RBPJ: variants seen among roughly 807,000 people sequenced by gnomAD.
RBPJ encodes recombination signal binding protein for immunoglobulin kappa J region, also known as recombining binding protein suppressor of hairless.
A neutral mutation model predicts 67.8 loss-of-function variants in RBPJ; 9 were observed. That is an observed-to-expected ratio of 0.13 (90% confidence interval 0.08 to 0.23). RBPJ has a LOEUF of 0.23. RBPJ is among the 10% of genes least tolerant of loss of function. The pLI, the probability that RBPJ is intolerant of heterozygous loss-of-function variation, is 1.00. For synonymous variants in RBPJ, 198 were observed against 203.3 expected (o/e 0.97, Z 0.22); for missense variants, 305 against 595.6 (o/e 0.51, Z 5.08).
At chr4:26,194,994 G>T (rs189429289) in intron 1 of RBPJ, among the ~76,000 whole-genome samples, 1 of 152,230 alleles carries the variant, frequency 6.6e-6, no homozygotes, top group African/African-American at 2.4e-5. Context: ...GTCTTTTCAG[G>T]TTTATACTGT....
chr4:26,417,601 G>A (rs1214054246), intron 4 of RBPJ, among the ~76,000 whole-genome samples: 1 of 152,038 alleles, frequency 6.6e-6, no homozygotes, highest in Non-Finnish European at 1.5e-5. Flanking sequence ...AGCAAGACTG[G>A]TGAGAGTTAG....
intron 1 of RBPJ, among the ~76,000 whole-genome samples, chr4:26,283,088 G>T (rs530389276): frequency 2.0e-3 from 300 of 149,332 alleles, no homozygotes; most frequent in Non-Finnish European, 3.8e-3. Flanking sequence ...CTGCCACCAC[G>T]CCCAGCTAAT....
intron 1 of RBPJ, among the ~76,000 whole-genome samples, chr4:26,193,181 A>C (rs1717629534): frequency 6.6e-6 from 1 of 152,192 alleles, no homozygotes; most frequent in Admixed American, 6.5e-5. Context: ...AAAATAATAA[A>C]TTTGTGTTCC....
chr4:26,203,522 C>G (rs1718064219), intron 1 of RBPJ, among the ~76,000 whole-genome samples: 1 of 152,146 alleles, frequency 6.6e-6, no homozygotes, highest in South Asian at 2.1e-4. Context: ...TGTCTGTCTT[C>G]CTCCCCTAAC....
intron 1 of RBPJ, among the ~76,000 whole-genome samples, chr4:26,255,309 C>G (rs1440961763): frequency 5.0e-5 from 6 of 120,986 alleles, no homozygotes; most frequent in African/African-American, 2.3e-4. Flanking sequence ...GAGGCTGAGG[C>G]AGGAGAATGG....
At chr4:26,377,777 AT>A (rs1452653502) in intron 1 of RBPJ, among the ~76,000 whole-genome samples, 1 of 152,152 alleles carries the variant, frequency 6.6e-6, no homozygotes, top group African/African-American at 2.4e-5. Flanking sequence ...AGCCACTTGT[AT>A]TCTAGAGTTG....
chr4:26,338,436 G>C (rs1577468960), intron 1 of RBPJ, among the ~76,000 whole-genome samples: 1 of 151,900 alleles, frequency 6.6e-6, no homozygotes, highest in East Asian at 1.9e-4. Flanking sequence ...TTACGGGTGT[G>C]AGCCACTGCG....
intron 1 of RBPJ, among the ~76,000 whole-genome samples, chr4:26,188,014 G>A (rs775206162): frequency 4.6e-5 from 7 of 151,630 alleles, no homozygotes; most frequent in Admixed American, 3.3e-4. Flanking sequence ...GCAACAGAGC[G>A]AGACTCTGTC....
intron 1 of RBPJ, among the ~76,000 whole-genome samples, chr4:26,329,100 T>C (rs1723961532): frequency 6.6e-6 from 1 of 152,196 alleles, no homozygotes; most frequent in Non-Finnish European, 1.5e-5. Context: ...TTCAAATGAT[T>C]CTCCTGCTTC....
At chr4:26,345,854 A>G (rs1172184124) in intron 1 of RBPJ, among the ~76,000 whole-genome samples, 12 of 152,186 alleles carry the variant, frequency 7.9e-5, no homozygotes, top group Non-Finnish European at 1.8e-4. Context: ...ATAGGATTCT[A>G]TTATGTATGG....
chr4:26,379,275 GCTCAAGCAATCCTCCCGCCT>G lies in RBPJ; in HGVS notation c.21-7069_21-7050del, dbSNP rs1730076237. ...GCTCACTGCAGCCTGGTACTCCTGG[GCTCAAGCAATCCTCCCGCCT>G]CTCAAGCAGTCCTCCTGCCTCAGCC... is the stretch of plus-strand genomic sequence containing the variant. On this transcript the variant is annotated intron_variant, in intron 1 of 10. Coordinates refer to ENST00000355476, the MANE Select transcript of RBPJ (RefSeq NM_015874.6). Among the ~76,000 whole-genome samples, 4 of 152,014 alleles carry G rather than the reference GCTCAAGCAATCCTCCCGCCT, an allele frequency of 2.6e-5. No individual in the cohort carries two copies. In the South Asian group the frequency reaches 6.2e-4, roughly 24 times the overall value.
rs552865584 is a variant in RBPJ at position 26,300,265 on chromosome 4, T to C, written c.-166-62181T>C. Among the ~76,000 whole-genome samples, 3 of 152,042 alleles carry C rather than the reference T, an allele frequency of 2.0e-5. No homozygotes were observed. In the East Asian group the frequency reaches 5.8e-4, roughly 29 times the overall value. ...TATGGGCAGGGGTGGGGGTGGGTGGTCTTGATGATAAATGTTAATAGTTGG... is the reference window on the plus strand; with the variant it reads ...TATGGGCAGGGGTGGGGGTGGGTGGCCTTGATGATAAATGTTAATAGTTGG... On this transcript the variant is annotated intron_variant, in intron 1 of 4. Transcript: ENST00000512351.
rs1212484529 is a variant in RBPJ at position 26,388,279 on chromosome 4, T to A, written c.59+1888T>A. Among the ~76,000 whole-genome samples the A allele has an allele frequency of 3.9e-5, 6 of 152,232 alleles. No individual in the cohort carries two copies. In the South Asian group the frequency reaches 1.2e-3, roughly 32 times the overall value. ...CCTCCCAAAATGCTGGGATTACAGG[T>A]GTGATCCACGGTGCCCAGCCTAAAA... On this transcript the variant is annotated intron_variant, in intron 2 of 10. Coordinates refer to ENST00000355476, the MANE Select transcript of RBPJ (RefSeq NM_015874.6).
At chr4:26,114,497 A>ATATATATATATATATATATATG in the RBPJ span, among the ~76,000 whole-genome samples, 4 of 140,036 alleles carry the variant, frequency 2.9e-5, no homozygotes, top group African/African-American at 1.1e-4. Flanking sequence ...ATATATATAT[A>ATATATATATATATATATATATG]TGTATGTGTG....
At position 26,407,883 on chromosome 4, in the gene RBPJ, C is replaced by CT. The variant is rs61575988; in HGVS notation, c.155+1642dup. On this transcript the variant is annotated intron_variant, in intron 3 of 10. Transcript: ENST00000355476. ...TGAAAAGAGGGGTAAAGCTTTCTTT[C>CT]TTTTTTTTTTTTTTTTTTTTTTTTT... 5.8e-3 allele frequency among the ~76,000 whole-genome samples: 372 copies of CT among 63,624 alleles called. 25 individuals are homozygous for CT. The highest frequency in any genetic ancestry group is 6.9e-3 in the African/African-American group (105 of 15,128). 41.7% of individuals were successfully genotyped at this position (63,624 alleles called of 152,430 possible). A position where few individuals can be genotyped will look rare whatever the true frequency, so the allele number is the denominator to read the frequency against.
the RBPJ span, among the ~76,000 whole-genome samples, chr4:26,140,924 C>T: frequency 6.6e-6 from 1 of 152,022 alleles, no homozygotes; most frequent in Non-Finnish European, 1.5e-5. Context: ...CAAGGAAAAG[C>T]TCTGCTTTCT....
chr4:26,209,354 T>C (rs953671794), intron 1 of RBPJ, among the ~76,000 whole-genome samples: 5 of 152,124 alleles, frequency 3.3e-5, no homozygotes, highest in Non-Finnish European at 7.4e-5. Context: ...TTGCCTAAAA[T>C]ACAAGATTTT....
rs1560237928 is a variant in RBPJ at position 26,270,420 on chromosome 4, AGAAAGAAAGAAAGAAAGAAG to A, written c.-166-92025_-166-92006del. Among the ~76,000 whole-genome samples the A allele has an allele frequency of 3.0e-4, 17 of 56,612 alleles. 1 individual carries two copies. The highest frequency in any genetic ancestry group is 6.8e-4 in the African/African-American group (15 of 22,132). The allele number at this position is 56,612 out of a possible 152,430, so 37.1% of individuals were successfully genotyped here. ...AAGAAAGAAAGAAAGAAAGAAAGAA[AGAAAGAAAGAAAGAAAGAAG>A]AAAGAAAGAAAGAAAGAAAAGAAAA... On this transcript the variant is annotated intron_variant, in intron 1 of 4. Coordinates refer to the RBPJ transcript ENST00000512351.
the RBPJ span, among the ~76,000 whole-genome samples, chr4:26,123,609 T>C: frequency 6.6e-6 from 1 of 152,238 alleles, no homozygotes; most frequent in Admixed American, 6.5e-5. Context: ...TGACTCATAA[T>C]AACACAGCTT....
Sources: allele counts gnomAD v4.1 joint callset (sites outside exome capture counted in the v4.1 genomes callset), GRCh38; gene constraint gnomAD v4.1.1; transcripts MANE v1.5; gene names NCBI Gene and HGNC (gene_info 2026-07-23, HGNC 2026-07-21).